FOXN3: variants seen among roughly 807,000 people sequenced by gnomAD.
FOXN3 encodes forkhead box protein N3.
In FOXN3, 7 loss-of-function variants were observed where a neutral mutation model predicts 38.4. The ratio of observed to expected loss-of-function variants is 0.18; its 90% CI spans 0.10 to 0.34. FOXN3 has a LOEUF of 0.34. Among genes scored for constraint, FOXN3 ranks in the 10% least tolerant of loss-of-function variants. The pLI, the probability that FOXN3 is intolerant of heterozygous loss-of-function variation, is 1.00. For missense variants in FOXN3, 456 were observed against 613.4 expected, an observed-to-expected ratio of 0.74 and a Z score of 2.71; for synonymous variants, 230 against 242.2, an observed-to-expected ratio of 0.95 and a Z score of 0.47.
chr14:89,372,495 T>C (rs1008181987), intron 2 of FOXN3, among the ~76,000 whole-genome samples: 8 of 152,226 alleles, frequency 5.3e-5, no homozygotes, highest in African/African-American at 1.4e-4. Flanking sequence ...AACAAAATCT[T>C]ACCTGAGCCA....
intron 4 of FOXN3, among the ~76,000 whole-genome samples, chr14:89,220,936 A>T (rs1884443221): frequency 1.3e-5 from 2 of 152,110 alleles, no homozygotes; most frequent in South Asian, 4.1e-4. Context: ...AAAAAATAAA[A>T]ATTAATTACA....
upstream of FOXN3, among the ~76,000 whole-genome samples, chr14:89,418,453 G>T (rs1402349161): frequency 1.7e-5 from 2 of 119,280 alleles, no homozygotes; most frequent in South Asian, 2.6e-4. Context: ...CCTAACAAAG[G>T]TTCAAGAGGG....
At chr14:89,496,503 T>TG (rs369364241) in intron 1 of FOXN3, among the ~76,000 whole-genome samples, 16 of 152,030 alleles carry the variant, frequency 1.1e-4, no homozygotes, top group South Asian at 8.3e-4. Context: ...GAAAGATACC[T>TG]GGGGGGGTCC....
intron 1 of FOXN3, among the ~76,000 whole-genome samples, chr14:89,463,094 T>TC (rs533053735): frequency 0.015 from 2,304 of 149,806 alleles, 35 homozygotes; most frequent in African/African-American, 0.041. Context: ...ATTGAGAAGA[T>TC]CTGGCTAACA....
rs145014659 is a variant in FOXN3 at position 89,349,849 on chromosome 14, A to G, written c.680+823T>C. 151 of 152,370 alleles carry G rather than the reference A, an allele frequency of 9.9e-4. 1 individual carries two copies. Among genetic ancestry groups the G allele is most frequent in the African/African-American group, 3.5e-3 (145 of 41,584 alleles). 9.4% of individuals were successfully genotyped at this position (152,370 alleles called of 1,614,324 possible). On this transcript the variant is annotated intron_variant, in intron 3 of 5. Coordinates refer to ENST00000557258, the MANE Select transcript of FOXN3 (RefSeq NM_005197.4). The stretch of plus-strand genomic sequence containing the variant: ...AGTCTATGACATCATGCCATCCCTA[A>G]TTAACCTCAACTTGCAGTCCAAGGA...
At chr14:89,382,143 C>T (rs925344981) in intron 2 of FOXN3, among the ~76,000 whole-genome samples, 1 of 152,064 alleles carries the variant, frequency 6.6e-6, no homozygotes, top group Non-Finnish European at 1.5e-5. Context: ...TTCTTACTTC[C>T]CTTCCTTGTC....
chr14:89,166,796 G>A (rs1170359655), intron 5 of FOXN3, among the ~76,000 whole-genome samples: 1 of 152,150 alleles, frequency 6.6e-6, no homozygotes, highest in Non-Finnish European at 1.5e-5. Context: ...GAAGTGAAAA[G>A]CTCCTTCAAT....
chr14:89,357,259 G>A, intron 2 of FOXN3, among the ~76,000 whole-genome samples: 1 of 152,134 alleles, frequency 6.6e-6, no homozygotes, highest in East Asian at 1.9e-4. Flanking sequence ...AGCTATGATT[G>A]TGCCACTGCA....
At chr14:89,275,281 C>T (rs1357096311) in intron 4 of FOXN3, among the ~76,000 whole-genome samples, 2 of 152,144 alleles carry the variant, frequency 1.3e-5, no homozygotes, top group Admixed American at 1.3e-4. Context: ...TCCTTGCACC[C>T]GCAGCAGACA....
At chr14:89,613,913 G>GGCAC (rs1305641752) in intron 1 of FOXN3, among the ~76,000 whole-genome samples, 1 of 152,186 alleles carries the variant, frequency 6.6e-6, no homozygotes, top group African/African-American at 2.4e-5. Flanking sequence ...AGGCAGAGGT[G>GGCAC]AATCTAGTGA....
chr14:89,303,028 G>A (rs758070286), intron 3 of FOXN3, among the ~76,000 whole-genome samples: 1 of 152,106 alleles, frequency 6.6e-6, no homozygotes, highest in Non-Finnish European at 1.5e-5. Flanking sequence ...CCAGTCAATC[G>A]TGTGCTCAAA....
chr14:89,369,570 G>T (rs749985242), intron 2 of FOXN3, among the ~76,000 whole-genome samples: 1 of 151,170 alleles, frequency 6.6e-6, no homozygotes, highest in Non-Finnish European at 1.5e-5. Context: ...TAAAAAAGAG[G>T]TTTAATGGAC....
At chr14:89,316,568 C>T (rs1274532069) in intron 3 of FOXN3, among the ~76,000 whole-genome samples, 1 of 151,678 alleles carries the variant, frequency 6.6e-6, no homozygotes, top group East Asian at 1.9e-4. Flanking sequence ...ATTATGTTGC[C>T]CAGACTGGTC....
intron 1 of FOXN3, among the ~76,000 whole-genome samples, chr14:89,569,073 C>T (rs1388288164): frequency 1.3e-5 from 2 of 151,938 alleles, no homozygotes; most frequent in African/African-American, 2.4e-5. Context: ...GGCGTGGTGG[C>T]GGGTGCCTAT....
chr14:89,264,596 C>A (rs922450004), intron 4 of FOXN3, among the ~76,000 whole-genome samples: 2 of 152,064 alleles, frequency 1.3e-5, no homozygotes, highest in African/African-American at 4.8e-5. Flanking sequence ...TTGGCTGGGG[C>A]AACATACAGC....
chr14:89,227,920 C>T (rs1253703040), intron 4 of FOXN3, among the ~76,000 whole-genome samples: 1 of 152,144 alleles, frequency 6.6e-6, no homozygotes, highest in East Asian at 1.9e-4. Flanking sequence ...AAAGGGAAAC[C>T]CAAGCTTTTG....
intron 1 of FOXN3, among the ~76,000 whole-genome samples, chr14:89,423,043 A>G (rs1220133501): frequency 2.6e-5 from 4 of 152,232 alleles, no homozygotes; most frequent in African/African-American, 9.6e-5. Context: ...ACAAGTAAGC[A>G]TCTAGCTCCT....
At chr14:89,506,522 T>C (rs866937253) in intron 1 of FOXN3, among the ~76,000 whole-genome samples, 245 of 130,206 alleles carry the variant, frequency 1.9e-3, no homozygotes, top group African/African-American at 3.0e-3. Flanking sequence ...GCCCCCCGCC[T>C]GGCCAGCCAC....
chr14:89,506,281 GGT>G (rs766196311), intron 1 of FOXN3, among the ~76,000 whole-genome samples: 11,604 of 65,354 alleles, frequency 0.18, 4,208 homozygotes, highest in Non-Finnish European at 0.32. Context: ...GAGGTGGGGG[GGT>G]CAGCCCCCCG....
Sources: gnomAD v4.1 joint callset for allele counts (sites outside exome capture counted in the v4.1 genomes callset) on GRCh38, gnomAD v4.1.1 for gene constraint, MANE v1.5 for transcripts, NCBI Gene and HGNC (gene_info 2026-07-23, HGNC 2026-07-21) for gene names.